Variants in R3HDM1 observed in about 807,000 individuals in gnomAD.
R3HDM1 encodes R3H domain-containing protein 1.
Under a neutral mutation model 141.1 loss-of-function variants are expected in R3HDM1, and 46 were observed. That is an observed-to-expected ratio of 0.33 (90% CI 0.26 to 0.42). The LOEUF (loss-of-function observed/expected upper bound fraction) is 0.42, where lower values mean the gene tolerates loss of function less well. Among genes scored for constraint, R3HDM1 ranks in the 10% least tolerant of loss-of-function variants. The pLI, the probability that R3HDM1 is intolerant of heterozygous loss-of-function variation, is 1.00. For missense variants in R3HDM1, 1,184 were observed against 1,368.3 expected (o/e 0.87, Z 2.12); for synonymous variants, 435 against 472.9 (o/e 0.92, Z 1.04).
At chr2:135,607,714 C>T (rs1053900854) in intron 3 of R3HDM1, 7 of 353,354 alleles carry the variant, frequency 2.0e-5, no homozygotes, top group Non-Finnish European at 2.8e-5. Context: ...ATTGCATTTC[C>T]TACCATGTCT....
intron 24 of R3HDM1, among the ~76,000 whole-genome samples, chr2:135,717,925 A>G (rs143210220): frequency 6.6e-6 from 1 of 152,248 alleles, no homozygotes; most frequent in Non-Finnish European, 1.5e-5. Flanking sequence ...CAAACTGGAC[A>G]TGACCAACAT....
At chr2:135,542,433 A>G (rs555872183) in intron 1 of R3HDM1, among the ~76,000 whole-genome samples, 1 of 152,210 alleles carries the variant, frequency 6.6e-6, no homozygotes, top group East Asian at 1.9e-4. Flanking sequence ...CACTTTGTAT[A>G]CCTTGTTTTT....
At chr2:135,651,509 C>CT in intron 17 of R3HDM1, 11 of 952,294 alleles carry the variant, frequency 1.2e-5, no homozygotes, top group Non-Finnish European at 1.4e-5. Context: ...CTGTGCATTC[C>CT]CACTAGATAT....
chr2:135,546,328 A>G (rs1382048823), intron 1 of R3HDM1, among the ~76,000 whole-genome samples: 3 of 152,118 alleles, frequency 2.0e-5, no homozygotes, highest in Non-Finnish European at 4.4e-5. Context: ...CATCAGTGTC[A>G]ATGTCACCTG....
intron 1 of R3HDM1, among the ~76,000 whole-genome samples, chr2:135,541,851 TAAAAAAA>T (rs10558924): frequency 4.1e-5 from 5 of 121,920 alleles, no homozygotes; most frequent in East Asian, 2.3e-4. Context: ...TTCAATTTGT[TAAAAAAA>T]AAAAAAAAAA....
At chr2:135,575,340 A>G (rs1705158376) in intron 1 of R3HDM1, among the ~76,000 whole-genome samples, 2 of 152,086 alleles carry the variant, frequency 1.3e-5, no homozygotes, top group Non-Finnish European at 2.9e-5. Context: ...CTGTCCCCAC[A>G]CCTGGATATT....
At chr2:135,616,448 C>A (rs1383584586) in intron 4 of R3HDM1, among the ~76,000 whole-genome samples, 1 of 151,894 alleles carries the variant, frequency 6.6e-6, no homozygotes, top group Non-Finnish European at 1.5e-5. Flanking sequence ...TGGAATTATT[C>A]CCATTCTTTC....
chr2:135,612,977 C>T (rs1157544389), intron 3 of R3HDM1, among the ~76,000 whole-genome samples: 7 of 152,104 alleles, frequency 4.6e-5, no homozygotes, highest in South Asian at 2.1e-4. Context: ...GAAAGGAAAT[C>T]GAAATAAATT....
At chr2:135,661,471 G>A (rs951245718) in intron 19 of R3HDM1, 78 bp downstream of exon 19, 13 of 1,511,842 alleles carry the variant, frequency 8.6e-6, no homozygotes, top group Non-Finnish European at 1.1e-5. Flanking sequence ...TCTTAAGATA[G>A]TACCTACTCA....
At chr2:135,555,459 G>A (rs1700573323) in intron 1 of R3HDM1, among the ~76,000 whole-genome samples, 1 of 152,148 alleles carries the variant, frequency 6.6e-6, no homozygotes, top group African/African-American at 2.4e-5. Flanking sequence ...GCCAGTAGGA[G>A]TGTAAAGGGT....
intron 7 of R3HDM1, among the ~76,000 whole-genome samples, chr2:135,627,733 A>G (rs1185180150): frequency 6.6e-6 from 1 of 152,134 alleles, no homozygotes; most frequent in Non-Finnish European, 1.5e-5. Context: ...TCTCTGAAAT[A>G]TCTTCTAAAA....
intron 19 of R3HDM1, among the ~76,000 whole-genome samples, chr2:135,666,838 A>G (rs1559385060): frequency 6.6e-6 from 1 of 151,782 alleles, no homozygotes; most frequent in Non-Finnish European, 1.5e-5. Flanking sequence ...GAAGCCCAAG[A>G]TTATAAGCTT....
intron 7 of R3HDM1, among the ~76,000 whole-genome samples, chr2:135,626,485 G>C (rs2062068224): frequency 6.6e-6 from 1 of 152,106 alleles, no homozygotes; most frequent in South Asian, 2.1e-4. Flanking sequence ...TGGGAAGGTA[G>C]GAATTCATAA....
chr2:135,650,238 G>T (rs1044172718), intron 17 of R3HDM1: 4 of 983,426 alleles, frequency 4.1e-6, no homozygotes, highest in Admixed American at 6.2e-5. Flanking sequence ...CATAACGAAA[G>T]AATTTTCAGG....
intron 1 of R3HDM1, chr2:135,596,970 CA>C: frequency 1.1e-6 from 1 of 949,676 alleles, no homozygotes. Flanking sequence ...TTTGATAGCA[CA>C]AATTGTTTTC....
intron 7 of R3HDM1, among the ~76,000 whole-genome samples, chr2:135,626,773 A>G (rs2062094568): frequency 6.6e-6 from 1 of 152,208 alleles, no homozygotes; most frequent in African/African-American, 2.4e-5. Flanking sequence ...TTGCCCCAAA[A>G]GAAACCCCAT....
chr2:135,610,885 ACCTGAGC>A (rs1454153861), intron 3 of R3HDM1, among the ~76,000 whole-genome samples: 10 of 151,970 alleles, frequency 6.6e-5, no homozygotes, highest in African/African-American at 2.4e-4. Flanking sequence ...CAGGAGGTTT[ACCTGAGC>A]CCAGGACTTT....
At chr2:135,580,735 T>G (rs1436233874) in intron 1 of R3HDM1, among the ~76,000 whole-genome samples, 2 of 152,348 alleles carry the variant, frequency 1.3e-5, no homozygotes, top group Non-Finnish European at 2.9e-5. Context: ...CAACAAACTC[T>G]TAGCTTTCCT....
intron 18 of R3HDM1, among the ~76,000 whole-genome samples, chr2:135,654,867 T>A (rs2065617557): frequency 1.1e-5 from 1 of 93,964 alleles, no homozygotes; most frequent in Admixed American, 1.2e-4. Flanking sequence ...ATATAAAGTG[T>A]GTGTGTGTGT....
Sources: allele counts gnomAD v4.1 joint callset (sites outside exome capture counted in the v4.1 genomes callset), GRCh38; gene constraint gnomAD v4.1.1; transcripts MANE v1.5; gene names NCBI Gene and HGNC (gene_info 2026-07-23, HGNC 2026-07-21).